Variants in IFT74 observed in about 807,000 individuals in gnomAD.
IFT74 encodes intraflagellar transport 74.
IFT74 carries 92 observed loss-of-function variants against 96.7 expected under a neutral mutation model. The observed-to-expected ratio is 0.95, with a 90% CI of 0.80 to 1.13. IFT74 has a LOEUF of 1.13. Among genes scored for constraint, IFT74 ranks in the 50% most tolerant of loss-of-function variants. The probability of loss-of-function intolerance (pLI) is 0.00; values close to 1 mark genes in which losing one functional copy is unlikely to be tolerated. For missense variants in IFT74, 811 were observed against 698.2 expected, an observed-to-expected ratio of 1.16 and a Z score of -1.82; for synonymous variants, 223 against 213.2, an observed-to-expected ratio of 1.05 and a Z score of -0.40.
intron 14 of IFT74, 39 bp from the exon 15 acceptor site, chr9:27,047,235 C>A: frequency 8.2e-7 from 1 of 1,219,224 alleles, no homozygotes; most frequent in South Asian, 1.2e-5. Context: ...AGTGTTAACT[C>A]TATCAGCAGT....
At chr9:26,983,579 G>T (rs1161055422) in intron 4 of IFT74, among the ~76,000 whole-genome samples, 1 of 152,118 alleles carries the variant, frequency 6.6e-6, no homozygotes, top group Non-Finnish European at 1.5e-5. Context: ...TGTCATTAGT[G>T]CTACTGTTGA....
rs772494146 is a variant in IFT74 at position 27,029,092 on chromosome 9, G to A, written c.1042G>A (p.Glu348Lys). ...EEIRQLDMDL[E>K]EHQGEMNQKY... ...AATTAGACAACTTGACATGGATTTA[G>A]AGGAACACCAAGGTATGCTTCTGGT... The change falls in exon 13 of 20, where the codon GAG becomes AAG. Residue 348 changes from glutamate to lysine, a missense_variant. Coordinates refer to ENST00000380062, the MANE Select transcript of IFT74 (RefSeq NM_025103.4). The A allele has an allele frequency of 1.1e-5, 17 of 1,601,184 alleles. No homozygotes were observed.
At chr9:27,058,401 T>A (rs1820269592) in intron 18 of IFT74, among the ~76,000 whole-genome samples, 2 of 152,108 alleles carry the variant, frequency 1.3e-5, no homozygotes, top group South Asian at 4.2e-4. Context: ...TTTTTTCTTT[T>A]TGAGACGAAG....
intron 8 of IFT74, chr9:26,997,954 T>C: frequency 3.1e-6 from 5 of 1,613,940 alleles, no homozygotes; most frequent in Non-Finnish European, 4.2e-6. Flanking sequence ...ATAACTGTTT[T>C]AGTTTATTTA....
intron 2 of IFT74, chr9:26,976,581 G>C (rs1827137554): frequency 2.7e-6 from 1 of 370,444 alleles, no homozygotes; most frequent in Non-Finnish European, 5.2e-6. Context: ...CATCTACAGA[G>C]GACTAGAGAG....
intron 2 of IFT74, among the ~76,000 whole-genome samples, chr9:26,974,079 A>G (rs1350470242): frequency 6.6e-6 from 1 of 152,150 alleles, no homozygotes; most frequent in Non-Finnish European, 1.5e-5. Flanking sequence ...GGGCCTAGGA[A>G]ATGAAGGCCC....
chr9:27,030,442 G>A (rs978767068), intron 13 of IFT74, among the ~76,000 whole-genome samples: 2 of 151,494 alleles, frequency 1.3e-5, no homozygotes, highest in African/African-American at 2.4e-5. Context: ...CAGCTACTTG[G>A]GAGGCTGAGG....
At position 27,056,316 on chromosome 9, in the gene IFT74, C is replaced by G. The variant is rs773454869; in HGVS notation, c.1498-18C>G. 1.4e-5 allele frequency: 22 copies of G among 1,524,382 alleles called. No homozygotes were observed. The highest frequency in any genetic ancestry group is 2.0e-5 in the Non-Finnish European group (22 of 1,120,006). The allele number at this position is 1,524,382 out of a possible 1,614,324, so 94.4% of individuals were successfully genotyped here. A position where few individuals can be genotyped will look rare whatever the true frequency, so the allele number is the denominator to read the frequency against. ...ACATATTTTCTATAACCTGTCACTTCTATTTGGATCTTTCTAGAAATTACA... is the reference window on the plus strand; with the variant it reads ...ACATATTTTCTATAACCTGTCACTTGTATTTGGATCTTTCTAGAAATTACA... On this transcript the variant is annotated intron_variant, in intron 17 of 19. Coordinates refer to ENST00000380062, the MANE Select transcript of IFT74 (RefSeq NM_025103.4).
At chr9:27,056,631 C>A (rs939927353) in intron 18 of IFT74, among the ~76,000 whole-genome samples, 172 bp downstream of exon 18, 3 of 152,010 alleles carry the variant, frequency 2.0e-5, no homozygotes, top group African/African-American at 7.2e-5. Context: ...TGCTTTCTTA[C>A]CTTCCATAAA....
chr9:26,952,029 T>A (rs182725953), upstream of IFT74, among the ~76,000 whole-genome samples: 1 of 152,350 alleles, frequency 6.6e-6, no homozygotes, highest in African/African-American at 2.4e-5. Flanking sequence ...TCCCAAAAGA[T>A]AATTGTTTTC....
At chr9:26,975,927 C>T (rs550874933) in intron 2 of IFT74, among the ~76,000 whole-genome samples, 3 of 152,064 alleles carry the variant, frequency 2.0e-5, no homozygotes, top group East Asian at 3.9e-4. Flanking sequence ...GAGGTGACCA[C>T]GGGACCGTGC....
At chr9:27,061,526 C>T (rs1214788164) in intron 19 of IFT74, among the ~76,000 whole-genome samples, 1 of 151,992 alleles carries the variant, frequency 6.6e-6, no homozygotes, top group Non-Finnish European at 1.5e-5. Flanking sequence ...AATCCCACCT[C>T]GGCCTGCTCA....
intron 13 of IFT74, among the ~76,000 whole-genome samples, chr9:27,030,545 C>CT (rs1183786111): frequency 8.2e-5 from 3 of 36,772 alleles, no homozygotes; most frequent in South Asian, 1.8e-3. Flanking sequence ...AAGACTCCGT[C>CT]TCAAAAAAAA....
intron 8 of IFT74, among the ~76,000 whole-genome samples, chr9:27,008,639 C>T (rs908919743): frequency 3.9e-5 from 6 of 152,076 alleles, no homozygotes; most frequent in Admixed American, 3.3e-4. Flanking sequence ...GGATTACAGA[C>T]GTGAGCCACC....
chr9:27,018,101 G>T (rs952772576), intron 11 of IFT74, among the ~76,000 whole-genome samples: 1 of 152,046 alleles, frequency 6.6e-6, no homozygotes, highest in Non-Finnish European at 1.5e-5. Flanking sequence ...CTTGAGGTAC[G>T]CCTACCACAT....
intron 16 of IFT74, among the ~76,000 whole-genome samples, chr9:27,052,238 G>A (rs1326662168): frequency 1.3e-5 from 2 of 152,114 alleles, no homozygotes; most frequent in Non-Finnish European, 2.9e-5. Flanking sequence ...GGCCAGGGGA[G>A]GTGGCTCACG....
rs1827329152 is a variant in IFT74, at chr9:26,980,570, G to A, written c.257-1G>A. 6.3e-7 allele frequency: 1 copy of A among 1,596,576 alleles called. No homozygotes were observed. Among genetic ancestry groups the A allele is most frequent in the Non-Finnish European group, 8.6e-7 (1 of 1,164,538 alleles). Reference sequence around the variant, plus strand: ...CTAACACTTAAAACATTTTTTTTTAGGTCCCCAGAGGCAAATTTTAGACAA... The same window carrying A: ...CTAACACTTAAAACATTTTTTTTTAAGTCCCCAGAGGCAAATTTTAGACAA... On this transcript the variant is annotated splice_acceptor_variant, in intron 3 of 19. Transcript: ENST00000380062. LOFTEE classifies it high-confidence loss of function.
chr9:26,992,036 A>G (rs79719610), intron 8 of IFT74, among the ~76,000 whole-genome samples: 34 of 121,246 alleles, frequency 2.8e-4, no homozygotes, highest in Non-Finnish European at 5.3e-4. Context: ...ACTCCGTCTC[A>G]AAAAAAAAAA....
chr9:26,954,222 T>G (rs529103360), upstream of IFT74, among the ~76,000 whole-genome samples: 1 of 152,224 alleles, frequency 6.6e-6, no homozygotes, highest in Non-Finnish European at 1.5e-5. Flanking sequence ...GCCATTAGAC[T>G]GAAGTCGCTC....
Sources: gnomAD v4.1 joint callset for allele counts (sites outside exome capture counted in the v4.1 genomes callset) on GRCh38, gnomAD v4.1.1 for gene constraint, MANE v1.5 for transcripts, NCBI Gene and HGNC (gene_info 2026-07-23, HGNC 2026-07-21) for gene names.